The following MACROD2 variants were observed in gnomAD, a reference collection of about 807,000 sequenced individuals.
The protein encoded by MACROD2 is mono-ADP ribosylhydrolase 2.
Under a neutral mutation model 70.4 loss-of-function variants are expected in MACROD2, and 36 were observed. The ratio of observed to expected loss-of-function variants is 0.51; its 90% confidence interval spans 0.39 to 0.68. MACROD2 has a LOEUF of 0.68. Among genes scored for constraint, MACROD2 ranks in the 30% least tolerant of loss-of-function variants. The pLI is 0.00. For missense variants in MACROD2, 496 were observed against 538.4 expected (o/e 0.92, Z 0.78); for synonymous variants, 172 against 178.8 (o/e 0.96, Z 0.30).
At chr20:14,624,462 T>A (rs1002030433) in intron 4 of MACROD2, among the ~76,000 whole-genome samples, 6 of 152,230 alleles carry the variant, frequency 3.9e-5, no homozygotes, top group African/African-American at 1.4e-4. Context: ...TAGAGTCATA[T>A]AATCTGGCAT....
rs550195784 is a variant in MACROD2 at position 15,952,144 on chromosome 20, C to CTCG, written c.907+14601_907+14602insCGT. 3.0e-4 allele frequency among the ~76,000 whole-genome samples: 45 copies of CTCG among 152,248 alleles called. No homozygotes were observed. In the South Asian group the frequency reaches 5.0e-3, roughly 17 times the overall value. ...CCATGTAAGATGTCACTTGCTCCTCCTTGCCTTCTGCCATGATTGTGAGGC... is the reference window on the plus strand; with the variant it reads ...CCATGTAAGATGTCACTTGCTCCTCCTCGTTGCCTTCTGCCATGATTGTGAGGC... On this transcript the variant is annotated intron_variant, in intron 12 of 17. Coordinates refer to ENST00000684519, the MANE Select transcript of MACROD2 (RefSeq NM_001351661.2).
chr20:14,673,293 A>T (rs985156570), intron 4 of MACROD2, among the ~76,000 whole-genome samples: 1 of 152,214 alleles, frequency 6.6e-6, no homozygotes, highest in South Asian at 2.1e-4. Flanking sequence ...TACTCAGATC[A>T]CTTAACACAG....
chr20:14,223,184 A>T (rs1360806941), intron 3 of MACROD2: 2 of 152,246 alleles, frequency 1.3e-5, no homozygotes, highest in South Asian at 2.1e-4. Flanking sequence ...ACCTCCCAGG[A>T]GTGGGGGACT....
intron 7 of MACROD2, among the ~76,000 whole-genome samples, chr20:15,439,220 C>T (rs911338540): frequency 6.6e-6 from 1 of 152,134 alleles, no homozygotes; most frequent in African/African-American, 2.4e-5. Context: ...TACCCCAGAC[C>T]CAGCCCATCT....
intron 6 of MACROD2, among the ~76,000 whole-genome samples, chr20:15,247,497 G>A (rs1374131726): frequency 6.6e-6 from 1 of 152,096 alleles, no homozygotes; most frequent in Non-Finnish European, 1.5e-5. Flanking sequence ...TTTTTAAATG[G>A]AAAGCACAAG....
chr20:15,639,527 G>A (rs1258006975), intron 8 of MACROD2, among the ~76,000 whole-genome samples: 1 of 152,146 alleles, frequency 6.6e-6, no homozygotes, highest in African/African-American at 2.4e-5. Context: ...AAGATGTTAC[G>A]GAAGAAGCTG....
intron 5 of MACROD2, among the ~76,000 whole-genome samples, chr20:15,126,163 T>C (rs1346590935): frequency 6.6e-6 from 1 of 150,684 alleles, no homozygotes; most frequent in East Asian, 1.9e-4. Flanking sequence ...TATAAACATT[T>C]GTGTACAAGT....
chr20:14,769,604 A>G (rs916044132), intron 5 of MACROD2, among the ~76,000 whole-genome samples: 2 of 152,096 alleles, frequency 1.3e-5, no homozygotes, highest in African/African-American at 2.4e-5. Flanking sequence ...CAGAGTCAAA[A>G]CACTCAAAAA....
chr20:14,919,834 A>C (rs1465513814), intron 5 of MACROD2, among the ~76,000 whole-genome samples: 1 of 152,214 alleles, frequency 6.6e-6, no homozygotes, highest in Non-Finnish European at 1.5e-5. Context: ...AGGAGAAATA[A>C]ATAGAAACCA....
intron 5 of MACROD2, chr20:14,904,951 T>C (rs899745631): frequency 6.6e-6 from 1 of 152,184 alleles, no homozygotes; most frequent in Non-Finnish European, 1.5e-5. Context: ...TGAGATTTAA[T>C]AGCTTCATTT....
chr20:14,000,882 T>G (rs754180474), intron 1 of MACROD2, among the ~76,000 whole-genome samples: 9 of 152,228 alleles, frequency 5.9e-5, no homozygotes, highest in Non-Finnish European at 1.3e-4. Context: ...TTACTTTTGT[T>G]TCCGGCTACT....
intron 15 of MACROD2, among the ~76,000 whole-genome samples, chr20:16,022,684 G>T (rs2067020226): frequency 6.6e-6 from 1 of 152,212 alleles, no homozygotes; most frequent in Non-Finnish European, 1.5e-5. Flanking sequence ...AGATGGACCA[G>T]TGGGGCTGGC....
intron 2 of MACROD2, among the ~76,000 whole-genome samples, chr20:14,005,052 A>G (rs574930138): frequency 6.6e-6 from 1 of 152,308 alleles, no homozygotes; most frequent in East Asian, 1.9e-4. Flanking sequence ...ATAATACAAT[A>G]GAAAGTTAAA....
chr20:15,457,519 T>G (rs764798895), intron 7 of MACROD2, among the ~76,000 whole-genome samples: 3 of 152,086 alleles, frequency 2.0e-5, no homozygotes, highest in Non-Finnish European at 4.4e-5. Flanking sequence ...GCCCAGAGAA[T>G]GAGGAGCCTC....
intron 3 of MACROD2, among the ~76,000 whole-genome samples, chr20:14,125,639 G>T (rs1174111066): frequency 6.6e-6 from 1 of 152,002 alleles, no homozygotes; most frequent in East Asian, 1.9e-4. Context: ...ACATATTTGT[G>T]AAATAGGGTC....
chr20:14,919,057 G>A (rs1333867304), intron 5 of MACROD2, among the ~76,000 whole-genome samples: 1 of 152,166 alleles, frequency 6.6e-6, no homozygotes, highest in Non-Finnish European at 1.5e-5. Flanking sequence ...GGATTCATTT[G>A]TGTTTTGCGG....
chr20:14,061,513 AATC>A (rs1344126056), intron 2 of MACROD2, among the ~76,000 whole-genome samples: 1 of 152,092 alleles, frequency 6.6e-6, no homozygotes, highest in African/African-American at 2.4e-5. Context: ...ATCATGTAAA[AATC>A]ATTGAAGGAA....
At chr20:15,157,445 A>G (rs775214687) in intron 5 of MACROD2, among the ~76,000 whole-genome samples, 9 of 111,480 alleles carry the variant, frequency 8.1e-5, no homozygotes, top group Non-Finnish European at 1.2e-4. Context: ...TTTAGGGAAG[A>G]CACAGGCATT....
chr20:14,609,690 G>A (rs1406807329), intron 4 of MACROD2, among the ~76,000 whole-genome samples: 2 of 152,094 alleles, frequency 1.3e-5, no homozygotes, highest in Non-Finnish European at 2.9e-5. Flanking sequence ...CCAGTTCTCA[G>A]TAAATCATGT....
Sources: gnomAD v4.1 joint callset for allele counts (sites outside exome capture counted in the v4.1 genomes callset) on GRCh38, gnomAD v4.1.1 for gene constraint, MANE v1.5 for transcripts, NCBI Gene and HGNC (gene_info 2026-07-23, HGNC 2026-07-21) for gene names.